C20orf144: variants seen among roughly 807,000 people sequenced by gnomAD.
C20orf144 encodes the protein chromosome 20 open reading frame 144, also known as uncharacterized protein C20orf144.
Under a neutral mutation model 3.8 loss-of-function variants are expected in C20orf144, and 8 were observed. The ratio of observed to expected loss-of-function variants is 2.11; its 90% CI spans 1.24 to 3.80. C20orf144 has a LOEUF of 3.80. Ranked by LOEUF, C20orf144 falls within the 30% of genes most tolerant of loss-of-function variation. The pLI is 0.00. For synonymous variants in C20orf144, 126 were observed against 104.1 expected (o/e 1.21, Z -1.28); for missense variants, 289 against 224.5 (o/e 1.29, Z -1.83).
At position 33,663,590 on chromosome 20, in the gene C20orf144, A is replaced by T. The variant is rs7260921; in HGVS notation, c.185A>T (p.Gln62Leu). The T allele has an allele frequency of 1.2e-6, 2 of 1,611,248 alleles. No homozygotes were observed. The highest frequency in any genetic ancestry group is 1.7e-6 in the Non-Finnish European group (2 of 1,179,674). ...CGGCAGCCGCTGGCCAACGCTGGGCAACGGATTGACTACGCGTCCGGCGCT... is the reference window on the plus strand; with the variant it reads ...CGGCAGCCGCTGGCCAACGCTGGGCTACGGATTGACTACGCGTCCGGCGCT... ...DKRQPLANAG[Q>L]RIDYASGAGL... Residue 62 changes from glutamine (Q) to leucine (L), a missense_variant, in exon 2 of 2, where the codon CAA becomes CTA. Transcript: ENST00000375222.
chr20:33,663,356 C>T (rs975136310), intron 1 of C20orf144, 176 bp from the exon 2 acceptor site: 6 of 649,082 alleles, frequency 9.2e-6, no homozygotes, highest in Non-Finnish European at 1.5e-5. Context: ...GCGGGCTTCC[C>T]CGCGGCCTGA....
intron 1 of C20orf144, among the ~76,000 whole-genome samples, chr20:33,663,001 T>A (rs1202351063): frequency 6.6e-6 from 1 of 152,132 alleles, no homozygotes; most frequent in African/African-American, 2.4e-5. Flanking sequence ...TGGATGAGAC[T>A]TGAGAGCCCC....
chr20:33,663,325 CG>C, intron 1 of C20orf144: 1 of 575,484 alleles, frequency 1.7e-6, no homozygotes, highest in Non-Finnish European at 3.0e-6. Context: ...AGGCGGAGTC[CG>C]GGGCGCCACG....
chr20:33,663,859 C>T lies in C20orf144; in HGVS notation c.454C>T (p.Gln152Ter), dbSNP rs1288905312. ...CAAACGGTGCCGCTGCCCTCGCCCG[C>T]AGCTTTAAACGCTTGGCCCGGACCC... is the stretch of plus-strand genomic sequence containing the variant. The part of the protein sequence containing the change: ...PRKRCRCPRP[Q>*]L Residue 152 changes from glutamine (Q) to a stop codon, truncating the protein, a stop_gained, in exon 2 of 2, where the codon CAG (glutamine) becomes TAG (stop). Coordinates refer to ENST00000375222, the MANE Select transcript of C20orf144 (RefSeq NM_080825.4). LOFTEE classifies it high-confidence loss of function. The T allele has an allele frequency of 1.4e-6, 2 of 1,398,840 alleles. No homozygotes were observed. Among genetic ancestry groups the T allele is most frequent in the East Asian group, 5.9e-5 (2 of 33,804 alleles). The allele number at this position is 1,398,840 out of a possible 1,614,324, so 86.7% of individuals were successfully genotyped here. A position where few individuals can be genotyped will look rare whatever the true frequency, so the allele number is the denominator to read the frequency against.
Position 33,663,555 on chromosome 20 carries a change from C to T in C20orf144, c.150C>T (p.Pro50=), listed in dbSNP as rs756217324. The T allele has an allele frequency of 2.6e-5, 42 of 1,611,072 alleles. No individual in the cohort carries two copies. The highest frequency in any genetic ancestry group is 8.8e-5 in the South Asian group (8 of 91,080). The stretch of plus-strand genomic sequence containing the variant: ...AGACCAGGATCGTGCTGATTCTCCC[C>T]CTGGACAAGCGGCAGCCGCTGGCCA... ...KPATRIVLIL[P]LDKRQPLANA... is the part of the protein sequence containing the mutation. Residue 50 remains proline, a synonymous_variant, in exon 2 of 2, where the codon CCC becomes CCT. Transcript: ENST00000375222.
chr20:33,663,233 A>T, intron 1 of C20orf144: 1 of 465,412 alleles, frequency 2.1e-6, no homozygotes, highest in South Asian at 3.1e-5. Flanking sequence ...CCCCTGACAT[A>T]GGGCCTGGAA....
At chr20:33,663,510 C>G (rs571018419) in intron 1 of C20orf144, 22 bp from the exon 2 acceptor site, 1 of 1,601,374 alleles carries the variant, frequency 6.2e-7, no homozygotes, top group Admixed American at 1.7e-5. Context: ...TCTCCCGCCT[C>G]ACGCCCCTGT....
At position 33,663,783 on chromosome 20, in the gene C20orf144, G is replaced by A; in HGVS notation, c.378G>A (p.Arg126=). The change falls in exon 2 of 2, where the codon CGG becomes CGA. Residue 126 remains arginine (R), a synonymous_variant. Transcript: ENST00000375222. ...GGCCGCGGCTGCTCTCGCGCTTCCG[G>A]TCCCCGGGGAAGGCTCCCCGCGAAG... ...LSWPRLLSRF[R]SPGKAPREAG... 7.0e-7 allele frequency: 1 copy of A among 1,431,654 alleles called. No homozygotes were observed. Among genetic ancestry groups the A allele is most frequent in the Non-Finnish European group, 9.1e-7 (1 of 1,102,380 alleles). The allele number at this position is 1,431,654 out of a possible 1,614,324, so 88.7% of individuals were successfully genotyped here.
chr20:33,663,690 A>ACTGCTG lies in C20orf144; in HGVS notation c.293_298dup (p.Leu98_Leu99dup), dbSNP rs755984673. 6 of 1,580,006 alleles carry ACTGCTG rather than the reference A, an allele frequency of 3.8e-6. No homozygotes were observed. Among genetic ancestry groups the ACTGCTG allele is most frequent in the Admixed American group, 3.5e-5 (2 of 56,582 alleles). On this transcript the variant is annotated inframe_insertion, in exon 2 of 2. Transcript: ENST00000375222. Reference sequence around the variant, plus strand: ...GCGAGCGCGAGCCGAGGATGCCGGTACTGCTGCTGCTGCGGCGGCAAGAGG... The same window carrying ACTGCTG: ...GCGAGCGCGAGCCGAGGATGCCGGTACTGCTGCTGCTGCTGCTGCGGCGGCAAGAGG...
rs762199165 is a variant in C20orf144, at chr20:33,663,595, A to T, written c.190A>T (p.Ile64Phe). ...GCCGCTGGCCAACGCTGGGCAACGG[A>T]TTGACTACGCGTCCGGCGCTGGGCT... ...RQPLANAGQR[I>F]DYASGAGLGS... The change falls in exon 2 of 2, where the codon ATT (isoleucine) becomes TTT (phenylalanine). Residue 64 changes from isoleucine to phenylalanine, a missense_variant. Physicochemically the swap from Ile to Phe is conservative, Grantham distance 21 (BLOSUM62 0). Transcript: ENST00000375222. 1 of 1,611,244 alleles carries T rather than the reference A, an allele frequency of 6.2e-7. No homozygotes were observed. Among genetic ancestry groups the T allele is most frequent in the Middle Eastern group, 1.7e-4 (1 of 5,934 alleles).
In C20orf144 at chr20:33,662,658, G is replaced by A. The variant is rs2017518495; in HGVS notation, c.126+187G>A. 22 of 674,136 alleles carry A rather than the reference G, an allele frequency of 3.3e-5. No individual in the cohort carries two copies. The East Asian group carries it at 6.4e-4, about 20-fold the overall frequency. 41.8% of individuals were successfully genotyped at this position (674,136 alleles called of 1,614,324 possible). A position where few individuals can be genotyped will look rare whatever the true frequency, so the allele number is the denominator to read the frequency against. On this transcript the variant is annotated intron_variant, in intron 1 of 1. Coordinates refer to ENST00000375222, the MANE Select transcript of C20orf144 (RefSeq NM_080825.4). Reference sequence around the variant, plus strand: ...GGAGCCCATATGGGTGTGGATGGGGGTCCTTTCAAGGTGGCTCACGCCTGT... The same window carrying A: ...GGAGCCCATATGGGTGTGGATGGGGATCCTTTCAAGGTGGCTCACGCCTGT...
intron 1 of C20orf144, 34 bp from the exon 2 acceptor site, chr20:33,663,498 G>A (rs1284531952): frequency 6.3e-7 from 1 of 1,589,368 alleles, no homozygotes. Flanking sequence ...GCCCTAGCGC[G>A]CTCTCCCGCC....
chr20:33,663,505 C>A (rs2017547507), intron 1 of C20orf144, 27 bp from the exon 2 acceptor site: 15 of 1,597,566 alleles, frequency 9.4e-6, no homozygotes, highest in Non-Finnish European at 1.2e-5. Flanking sequence ...CGCGCTCTCC[C>A]GCCTCACGCC....
In C20orf144 at chr20:33,663,702, G is replaced by A. The variant is rs895231590; in HGVS notation, c.297G>A (p.Leu99=). ...CGAGGATGCCGGTACTGCTGCTGCTGCGGCGGCAAGAGGCGCGGCGGCCGG... is the reference window on the plus strand; with the variant it reads ...CGAGGATGCCGGTACTGCTGCTGCTACGGCGGCAAGAGGCGCGGCGGCCGG... ...REPRMPVLLL[L]RRQEARRPEE... Residue 99 remains leucine (L), a synonymous_variant, in exon 2 of 2, where the codon CTG becomes CTA. Transcript: ENST00000375222. 43 of 1,546,272 alleles carry A rather than the reference G, an allele frequency of 2.8e-5. No individual in the cohort carries two copies. The highest frequency in any genetic ancestry group is 3.2e-5 in the Non-Finnish European group (37 of 1,162,052).
At position 33,663,670 on chromosome 20, in the gene C20orf144, C is replaced by G. The variant is rs1188522036; in HGVS notation, c.265C>G (p.Arg89Gly). ...RLRGAGEGSEREPRMPVLLLL... is the reference protein window; with the variant it reads ...RLRGAGEGSEGEPRMPVLLLL... Reference sequence around the variant, plus strand: ...GCGCGGAGCGGGCGAAGGTAGCGAGCGCGAGCCGAGGATGCCGGTACTGCT... The same window carrying G: ...GCGCGGAGCGGGCGAAGGTAGCGAGGGCGAGCCGAGGATGCCGGTACTGCT... The change falls in exon 2 of 2, where the codon CGC (arginine) becomes GGC (glycine). Residue 89 changes from arginine to glycine, a missense_variant. Arg to Gly is a moderately radical substitution (Grantham distance 125). Coordinates refer to ENST00000375222, the MANE Select transcript of C20orf144 (RefSeq NM_080825.4). The G allele has an allele frequency of 1.9e-6, 3 of 1,571,658 alleles. No individual in the cohort carries two copies. In the African/African-American group the frequency reaches 4.1e-5, roughly 21 times the overall value.
chr20:33,663,579 C>G lies in C20orf144; in HGVS notation c.174C>G (p.Ala58=). 2 of 1,611,450 alleles carry G rather than the reference C, an allele frequency of 1.2e-6. No homozygotes were observed. Among genetic ancestry groups the G allele is most frequent in the Non-Finnish European group, 1.7e-6 (2 of 1,179,680 alleles). The change falls in exon 2 of 2, where the codon GCC becomes GCG. Residue 58 remains alanine (A), a synonymous_variant. Coordinates refer to ENST00000375222, the MANE Select transcript of C20orf144 (RefSeq NM_080825.4). ...CCCTGGACAAGCGGCAGCCGCTGGC[C>G]AACGCTGGGCAACGGATTGACTACG... is the stretch of plus-strand genomic sequence containing the variant. ...ILPLDKRQPL[A]NAGQRIDYAS...
At chr20:33,663,269 T>C (rs1568895691) in intron 1 of C20orf144, 2 of 541,452 alleles carry the variant, frequency 3.7e-6, no homozygotes, top group Non-Finnish European at 6.5e-6. Context: ...TAGACGGAGC[T>C]GGTCTCAGGA....
Position 33,663,663 on chromosome 20 carries a change from TAGCG to T in C20orf144, c.263_266del (p.Glu88AlafsTer28). On this transcript the variant is annotated frameshift_variant, in exon 2 of 2. Transcript: ENST00000375222. LOFTEE classifies it low-confidence loss of function (END_TRUNC). Reference sequence around the variant, plus strand: ...CCAGATTGCGCGGAGCGGGCGAAGGTAGCGAGCGCGAGCCGAGGATGCCGGTACT... The same window carrying T: ...CCAGATTGCGCGGAGCGGGCGAAGGTAGCGCGAGCCGAGGATGCCGGTACT... 6.3e-7 allele frequency: 1 copy of T among 1,581,576 alleles called. No individual in the cohort carries two copies. Among genetic ancestry groups the T allele is most frequent in the African/African-American group, 1.4e-5 (1 of 73,682 alleles).
intron 1 of C20orf144, chr20:33,663,292 A>G: frequency 1.8e-6 from 1 of 558,592 alleles, no homozygotes; most frequent in East Asian, 3.3e-5. Flanking sequence ...TCAGCCTGGG[A>G]TGGATGAGGG....
Sources: gnomAD v4.1 joint callset for allele counts (sites outside exome capture counted in the v4.1 genomes callset) on GRCh38, gnomAD v4.1.1 for gene constraint, MANE v1.5 for transcripts, NCBI Gene and HGNC (gene_info 2026-07-23, HGNC 2026-07-21) for gene names.